XPNPEP3: variants seen among roughly 807,000 people sequenced by gnomAD.
XPNPEP3 encodes the protein X-prolyl aminopeptidase 3.
A neutral mutation model predicts 60.0 loss-of-function variants in XPNPEP3; 41 were observed. The ratio of observed to expected loss-of-function variants is 0.68; its 90% CI spans 0.53 to 0.89. The LOEUF (loss-of-function observed/expected upper bound fraction) is 0.89. Among genes scored for constraint, XPNPEP3 ranks in the 40% least tolerant of loss-of-function variants. XPNPEP3 has a pLI of 0.00. For synonymous variants in XPNPEP3, 212 were observed against 223.2 expected (o/e 0.95, Z 0.45); for missense variants, 598 against 638.9 (o/e 0.94, Z 0.69).
At chr22:40,915,991 T>A (rs192084283) in intron 7 of XPNPEP3, among the ~76,000 whole-genome samples, 304 of 152,120 alleles carry the variant, frequency 2.0e-3, no homozygotes, top group Middle Eastern at 3.4e-3. Flanking sequence ...ATCAAGAAAA[T>A]CTGATAATGA....
chr22:40,923,555 G>A (rs1033560254), intron 8 of XPNPEP3, among the ~76,000 whole-genome samples: 4 of 151,838 alleles, frequency 2.6e-5, no homozygotes, highest in Admixed American at 6.6e-5. Context: ...ACTAACTGAC[G>A]GAAATATCCA....
chr22:40,914,451 C>T, intron 7 of XPNPEP3, 127 bp downstream of exon 7: 2 of 788,474 alleles, frequency 2.5e-6, no homozygotes, highest in African/African-American at 1.7e-5. Context: ...GGTTGCAAAG[C>T]TCCTTATTAT....
chr22:40,886,684 G>A (rs927975879), intron 4 of XPNPEP3, among the ~76,000 whole-genome samples, 169 bp downstream of exon 4: 2 of 151,744 alleles, frequency 1.3e-5, no homozygotes, highest in African/African-American at 4.8e-5. Flanking sequence ...AAAATTAGCC[G>A]GGCATGGTGG....
chr22:40,857,236 G>A lies in XPNPEP3; in HGVS notation c.55G>A (p.Gly19Ser). 1.2e-6 allele frequency: 2 copies of A among 1,614,162 alleles called. No individual in the cohort carries two copies. The highest frequency in any genetic ancestry group is 1.7e-6 in the Non-Finnish European group (2 of 1,180,028). ...KLVPAVANVR[G>S]LSGCMLCSQR... ...GGTTCCCGCTGTAGCAAACGTCCGC[G>A]GCCTCTCAGGTTAGACTCTTCTCCC... is the stretch of plus-strand genomic sequence containing the variant. Residue 19 changes from glycine to serine, a missense_variant, in exon 1 of 10, where the codon GGC (glycine) becomes AGC (serine). By Grantham distance (56) the Gly-to-Ser change is moderately conservative. Coordinates refer to ENST00000357137, the MANE Select transcript of XPNPEP3 (RefSeq NM_022098.4).
At chr22:40,878,645 G>A (rs1478137844) in intron 2 of XPNPEP3, among the ~76,000 whole-genome samples, 1 of 150,562 alleles carries the variant, frequency 6.6e-6, no homozygotes, top group Non-Finnish European at 1.5e-5. Context: ...GGAATGTAGT[G>A]GTGTGATCTC....
intron 4 of XPNPEP3, among the ~76,000 whole-genome samples, chr22:40,890,863 G>A (rs1027374689): frequency 2.0e-5 from 3 of 151,966 alleles, no homozygotes; most frequent in South Asian, 4.1e-4. Flanking sequence ...GTGAGACCCT[G>A]TCTCAATAAA....
chr22:40,881,684 T>C, intron 2 of XPNPEP3, 86 bp from the exon 3 acceptor site: 1 of 1,470,960 alleles, frequency 6.8e-7, no homozygotes, highest in Non-Finnish European at 9.5e-7. Context: ...ACAATTGGAC[T>C]TGAGTATTTC....
chr22:40,900,605 CA>C (rs1048521638), intron 4 of XPNPEP3, among the ~76,000 whole-genome samples: 9 of 148,078 alleles, frequency 6.1e-5, no homozygotes, highest in African/African-American at 4.9e-5. Context: ...GACTCTGTCT[CA>C]AAAAAAAAAT....
chr22:40,911,712 G>A (rs1601516916), intron 6 of XPNPEP3, among the ~76,000 whole-genome samples: 1 of 151,954 alleles, frequency 6.6e-6, no homozygotes, highest in East Asian at 1.9e-4. Context: ...GGCTATTTTT[G>A]TATTTTTAGT....
At chr22:40,883,775 C>T (rs1179032698) in intron 3 of XPNPEP3, among the ~76,000 whole-genome samples, 1 of 152,164 alleles carries the variant, frequency 6.6e-6, no homozygotes, top group African/African-American at 2.4e-5. Flanking sequence ...TCAGAACCTA[C>T]ACCACATTAT....
chr22:40,858,332 C>T (rs1010006152), intron 1 of XPNPEP3, among the ~76,000 whole-genome samples: 3 of 151,806 alleles, frequency 2.0e-5, no homozygotes, highest in Non-Finnish European at 4.4e-5. Context: ...ATCTCGAACT[C>T]CTGGCCTCAA....
chr22:40,877,606 G>C (rs551915432), intron 2 of XPNPEP3, among the ~76,000 whole-genome samples: 7 of 152,220 alleles, frequency 4.6e-5, no homozygotes, highest in Non-Finnish European at 1.0e-4. Flanking sequence ...ACTTTGCAGA[G>C]TCCAGCTTCC....
rs1943080081 is a variant in XPNPEP3 at position 40,926,651 on chromosome 22, C to T, written c.*216C>T. On this transcript the variant is annotated 3_prime_UTR_variant, in exon 10 of 10. Transcript: ENST00000357137. ...TGAATTTTTGAATAGTATGTTACTG[C>T]AGCTTTGGTAACATTAATTCTATAG... is the stretch of plus-strand genomic sequence containing the variant. 3.4e-6 allele frequency: 2 copies of T among 596,186 alleles called. No individual in the cohort carries two copies. The highest frequency in any genetic ancestry group is 1.9e-5 in the African/African-American group (1 of 53,892). The allele number at this position is 596,186 out of a possible 1,614,324, so 36.9% of individuals were successfully genotyped here. A position where few individuals can be genotyped will look rare whatever the true frequency, so the allele number is the denominator to read the frequency against.
intron 2 of XPNPEP3, among the ~76,000 whole-genome samples, chr22:40,873,524 C>G (rs888091943): frequency 6.6e-6 from 1 of 152,084 alleles, no homozygotes; most frequent in African/African-American, 2.4e-5. Context: ...CTATCGTCAA[C>G]TATAATGGCA....
At chr22:40,876,037 ATGACATTTGTAT>A (rs761448675) in intron 2 of XPNPEP3, among the ~76,000 whole-genome samples, 3 of 151,960 alleles carry the variant, frequency 2.0e-5, no homozygotes, top group Non-Finnish European at 4.4e-5. Context: ...AAATAAATAA[ATGACATTTGTAT>A]TTCTCTTTTT....
At chr22:40,920,022 G>A (rs576379402) in intron 7 of XPNPEP3, among the ~76,000 whole-genome samples, 8 of 152,162 alleles carry the variant, frequency 5.3e-5, no homozygotes, top group South Asian at 2.1e-4. Context: ...GCAAACTAAG[G>A]TCAAAATAAT....
chr22:40,912,080 A>T (rs895863362), intron 6 of XPNPEP3, among the ~76,000 whole-genome samples: 11 of 152,226 alleles, frequency 7.2e-5, no homozygotes, highest in African/African-American at 2.7e-4. Context: ...TTAGAAAAAT[A>T]GTTTTTTTCA....
rs983733765 is a variant in XPNPEP3 at position 40,931,134 on chromosome 22, A to C, written c.*4699A>C. 8.5e-5 allele frequency: 13 copies of C among 152,262 alleles called. No individual in the cohort carries two copies. Among genetic ancestry groups the C allele is most frequent in the African/African-American group, 2.9e-4 (12 of 41,458 alleles). 9.4% of individuals were successfully genotyped at this position (152,262 alleles called of 1,614,324 possible). A position where few individuals can be genotyped will look rare whatever the true frequency, so the allele number is the denominator to read the frequency against. On this transcript the variant is annotated 3_prime_UTR_variant, in exon 10 of 10. Coordinates refer to ENST00000357137, the MANE Select transcript of XPNPEP3 (RefSeq NM_022098.4). ...AGTGCTGGGATTACAGGTGTGAGCC[A>C]CCGTGCCCAGCCGAGCCTTTAGTTC... is the stretch of plus-strand genomic sequence containing the variant.
At chr22:40,911,729 G>A (rs1239959088) in intron 6 of XPNPEP3, among the ~76,000 whole-genome samples, 2 of 151,970 alleles carry the variant, frequency 1.3e-5, no homozygotes, top group Non-Finnish European at 2.9e-5. Context: ...TAGTAGAAAC[G>A]AGGTTTCACC....
Sources: allele counts gnomAD v4.1 joint callset (sites outside exome capture counted in the v4.1 genomes callset), GRCh38; gene constraint gnomAD v4.1.1; transcripts MANE v1.5; gene names NCBI Gene and HGNC (gene_info 2026-07-23, HGNC 2026-07-21).